HTR1F: variants seen among roughly 807,000 people sequenced by gnomAD.
HTR1F encodes 5-hydroxytryptamine (serotonin) receptor 1F, G protein-coupled.
Under a neutral mutation model 24.0 loss-of-function variants are expected in HTR1F, and 17 were observed. The observed-to-expected ratio is 0.71, with a 90% CI of 0.48 to 1.06. The LOEUF (loss-of-function observed/expected upper bound fraction) is 1.06. Ranked by LOEUF, HTR1F falls within the 50% of genes least tolerant of loss-of-function variation. HTR1F has a pLI of 0.00. For synonymous variants in HTR1F, 186 were observed against 156.8 expected (o/e 1.19, Z -1.39); for missense variants, 391 against 427.8 (o/e 0.91, Z 0.76).
chr3:87,936,255 G>T (rs1704412853), intron 2 of HTR1F, among the ~76,000 whole-genome samples: 3 of 152,154 alleles, frequency 2.0e-5, no homozygotes, highest in Admixed American at 6.5e-5. Context: ...TTTTCTAAAA[G>T]AATACAATTG....
intron 2 of HTR1F, among the ~76,000 whole-genome samples, chr3:87,856,381 T>C (rs187646514): frequency 2.1e-4 from 32 of 152,184 alleles, no homozygotes; most frequent in African/African-American, 5.8e-4. Context: ...CCAGCGAGCA[T>C]ATGGGAAATT....
At chr3:87,820,482 C>G (rs1704338993) in intron 1 of HTR1F, among the ~76,000 whole-genome samples, 1 of 151,964 alleles carries the variant, frequency 6.6e-6, no homozygotes, top group East Asian at 1.9e-4. Flanking sequence ...GGCTCATGAC[C>G]CATTTTAACA....
At chr3:87,935,248 A>C (rs930548622) in intron 2 of HTR1F, among the ~76,000 whole-genome samples, 1 of 152,232 alleles carries the variant, frequency 6.6e-6, no homozygotes, top group Non-Finnish European at 1.5e-5. Context: ...CCAAAAATGA[A>C]GAGAAAAAGG....
At chr3:87,804,304 G>A (rs1435769560) in intron 1 of HTR1F, among the ~76,000 whole-genome samples, 1 of 151,988 alleles carries the variant, frequency 6.6e-6, no homozygotes, top group Non-Finnish European at 1.5e-5. Context: ...AGGCTTGGTG[G>A]TGCATGCCTG....
intron 2 of HTR1F, among the ~76,000 whole-genome samples, chr3:87,913,344 A>G (rs1395710449): frequency 2.0e-5 from 3 of 152,208 alleles, no homozygotes; most frequent in Non-Finnish European, 4.4e-5. Context: ...AAAGCTCAAC[A>G]TCACTGGTCA....
intron 2 of HTR1F, among the ~76,000 whole-genome samples, chr3:87,910,841 T>C (rs1703762779): frequency 6.6e-6 from 1 of 151,926 alleles, no homozygotes; most frequent in Non-Finnish European, 1.5e-5. Context: ...TCCAAATACA[T>C]GGAAATTAAA....
intron 1 of HTR1F, among the ~76,000 whole-genome samples, chr3:87,814,435 A>G (rs998876471): frequency 3.7e-4 from 57 of 152,126 alleles, no homozygotes; most frequent in African/African-American, 1.3e-3. Context: ...TATAGAATAT[A>G]TTGTTATTAT....
intron 2 of HTR1F, 95 bp from the exon 3 acceptor site, chr3:87,990,613 T>G (rs1576129220): frequency 3.2e-6 from 2 of 627,294 alleles, no homozygotes; most frequent in East Asian, 5.5e-5. Context: ...ATATTCTGGG[T>G]AAACATAACA....
intron 2 of HTR1F, among the ~76,000 whole-genome samples, chr3:87,888,997 C>A (rs1247298190): frequency 6.6e-6 from 1 of 152,116 alleles, no homozygotes; most frequent in East Asian, 1.9e-4. Context: ...GGGGGAATAT[C>A]CTTCACGAAT....
chr3:87,848,817 A>C (rs1396172842), intron 2 of HTR1F, among the ~76,000 whole-genome samples: 1 of 151,714 alleles, frequency 6.6e-6, no homozygotes. Flanking sequence ...CCAATAACAG[A>C]CAAACGGAGA....
intron 2 of HTR1F, among the ~76,000 whole-genome samples, chr3:87,945,328 G>A (rs1704671995): frequency 6.6e-6 from 1 of 152,130 alleles, no homozygotes; most frequent in Non-Finnish European, 1.5e-5. Flanking sequence ...TAGATCCTTT[G>A]GAGATACAAC....
At chr3:87,857,012 G>C (rs1705212996) in intron 2 of HTR1F, among the ~76,000 whole-genome samples, 1 of 151,964 alleles carries the variant, frequency 6.6e-6, no homozygotes, top group Non-Finnish European at 1.5e-5. Flanking sequence ...TATTTCCCCA[G>C]ACTTATTAGT....
chr3:87,934,925 G>A (rs913591510), intron 2 of HTR1F, among the ~76,000 whole-genome samples: 2 of 152,130 alleles, frequency 1.3e-5, no homozygotes, highest in Non-Finnish European at 2.9e-5. Flanking sequence ...GAGTGCAGTG[G>A]CATCATCACA....
intron 2 of HTR1F, among the ~76,000 whole-genome samples, chr3:87,822,997 G>T (rs1704389223): frequency 6.6e-6 from 1 of 152,032 alleles, no homozygotes; most frequent in Admixed American, 6.5e-5. Flanking sequence ...GTTAGTCAAA[G>T]AATGTTTTGT....
intron 2 of HTR1F, among the ~76,000 whole-genome samples, chr3:87,878,945 T>G (rs1269886143): frequency 6.6e-6 from 1 of 152,124 alleles, no homozygotes; most frequent in African/African-American, 2.4e-5. Context: ...TCAGCAGAAA[T>G]TATGTAATTA....
At chr3:87,908,206 A>G (rs7646993) in intron 2 of HTR1F, among the ~76,000 whole-genome samples, 29,642 of 151,930 alleles carry the variant, frequency 0.2, 3,364 homozygotes, top group African/African-American at 0.32. Context: ...ATCTATCATA[A>G]GAGATTCTGA....
intron 2 of HTR1F, among the ~76,000 whole-genome samples, chr3:87,886,069 C>T (rs1258604158): frequency 6.6e-6 from 1 of 152,028 alleles, no homozygotes; most frequent in Admixed American, 6.6e-5. Context: ...ATCCCTGATG[C>T]ACATCGATGC....
intron 2 of HTR1F, among the ~76,000 whole-genome samples, chr3:87,889,872 A>C (rs750303861): frequency 6.6e-6 from 1 of 152,248 alleles, no homozygotes; most frequent in Non-Finnish European, 1.5e-5. Context: ...AGTTTAGATC[A>C]CAAGTCTTGC....
At chr3:87,945,296 A>C (rs1280577960) in intron 2 of HTR1F, among the ~76,000 whole-genome samples, 2 of 152,172 alleles carry the variant, frequency 1.3e-5, no homozygotes, top group Non-Finnish European at 2.9e-5. Context: ...TAGATGCCTA[A>C]GGACACAGCA....
Sources: allele counts gnomAD v4.1 joint callset (sites outside exome capture counted in the v4.1 genomes callset), GRCh38; gene constraint gnomAD v4.1.1; transcripts MANE v1.5; gene names NCBI Gene and HGNC (gene_info 2026-07-23, HGNC 2026-07-21).